Variants in GCSAML observed in about 807,000 individuals in gnomAD.
The protein encoded by GCSAML is germinal center-associated signaling and motility-like protein.
A neutral mutation model predicts 13.0 loss-of-function variants in GCSAML; 9 were observed. The ratio of observed to expected loss-of-function variants is 0.69; its 90% CI spans 0.42 to 1.21. GCSAML has a LOEUF of 1.21. Among genes scored for constraint, GCSAML ranks in the 50% most tolerant of loss-of-function variants. The pLI, the probability that GCSAML is intolerant of heterozygous loss-of-function variation, is 0.00. For missense variants in GCSAML, 143 were observed against 153.4 expected (o/e 0.93, Z 0.36); for synonymous variants, 37 against 52.9 (o/e 0.70, Z 1.31).
In GCSAML at chr1:247,576,662, C is replaced by T. The variant is rs867720527; in HGVS notation, c.*2280C>T. 3.9e-5 allele frequency: 6 copies of T among 152,128 alleles called. No homozygotes were observed. Among genetic ancestry groups the T allele is most frequent in the Non-Finnish European group, 8.8e-5 (6 of 68,026 alleles). 9.4% of individuals were successfully genotyped at this position (152,128 alleles called of 1,614,324 possible). On this transcript the variant is annotated 3_prime_UTR_variant, in exon 5 of 5. Coordinates refer to ENST00000366488, the MANE Select transcript of GCSAML (RefSeq NM_145278.5). ...TAATCAATAGGTGGACTCCAGATAA[C>T]TCATTTGCTGTATACACATTTTGCC... is the stretch of plus-strand genomic sequence containing the variant.
intron 2 of GCSAML, among the ~76,000 whole-genome samples, chr1:247,558,711 T>C (rs940670026): frequency 2.0e-5 from 3 of 152,218 alleles, no homozygotes; most frequent in East Asian, 1.9e-4. Flanking sequence ...ACTTTTCTTG[T>C]TTAGGAATGG....
At chr1:247,562,334 C>A (rs557433825) in intron 2 of GCSAML, among the ~76,000 whole-genome samples, 3 of 152,124 alleles carry the variant, frequency 2.0e-5, no homozygotes, top group African/African-American at 7.2e-5. Context: ...TCAGCGCGCC[C>A]GTGCCTGAGG....
At chr1:247,566,618 C>A (rs530361220) in intron 4 of GCSAML, among the ~76,000 whole-genome samples, 1 of 151,518 alleles carries the variant, frequency 6.6e-6, no homozygotes, top group South Asian at 2.1e-4. Flanking sequence ...AACTGACCAC[C>A]ATAAAACATT....
At chr1:247,519,823 T>G (rs2892202) in intron 1 of GCSAML, among the ~76,000 whole-genome samples, 85,399 of 152,002 alleles carry the variant, frequency 0.56, 25,081 homozygotes, top group East Asian at 0.76. Flanking sequence ...GAATATCACT[T>G]TAAGGAAACA....
intron 2 of GCSAML, among the ~76,000 whole-genome samples, chr1:247,541,135 G>T (rs1304562850): frequency 6.6e-6 from 1 of 151,950 alleles, no homozygotes; most frequent in East Asian, 1.9e-4. Context: ...AACCTATGCT[G>T]GTTTAAATTA....
chr1:247,507,118 A>G (rs577706161), upstream of GCSAML: 3 of 152,352 alleles, frequency 2.0e-5, no homozygotes, highest in African/African-American at 7.2e-5. Context: ...TGTTTCTACA[A>G]GAGACAATGA....
At chr1:247,519,557 T>C (rs2103309086) in intron 1 of GCSAML, 1 of 152,364 alleles carries the variant, frequency 6.6e-6, no homozygotes, top group Middle Eastern at 3.4e-3. Context: ...AAGAGCAGTG[T>C]TTCCTTTACA....
intron 2 of GCSAML, among the ~76,000 whole-genome samples, chr1:247,536,663 T>C (rs1439555085): frequency 6.6e-6 from 1 of 152,240 alleles, no homozygotes; most frequent in Non-Finnish European, 1.5e-5. Context: ...TTGGGATTTC[T>C]TTCCCTATTG....
At chr1:247,542,173 G>T (rs1667437899) in intron 2 of GCSAML, among the ~76,000 whole-genome samples, 1 of 152,202 alleles carries the variant, frequency 6.6e-6, no homozygotes, top group East Asian at 1.9e-4. Context: ...CTACTGGGGA[G>T]GCTGAGGCAG....
chr1:247,568,020 G>A (rs1487655721), intron 4 of GCSAML, among the ~76,000 whole-genome samples: 3 of 151,770 alleles, frequency 2.0e-5, no homozygotes, highest in Non-Finnish European at 4.4e-5. Context: ...CTTTTTGATG[G>A]GGTTGTTTTT....
chr1:247,551,500 A>G (rs1028731141), intron 1 of GCSAML, among the ~76,000 whole-genome samples: 3 of 152,226 alleles, frequency 2.0e-5, no homozygotes, highest in African/African-American at 7.2e-5. Flanking sequence ...GCAATGTGGC[A>G]TGTATTTTAG....
intron 1 of GCSAML, among the ~76,000 whole-genome samples, chr1:247,550,912 G>T (rs144597972): frequency 0.018 from 2,730 of 152,230 alleles, 30 homozygotes; most frequent in Non-Finnish European, 0.028. Flanking sequence ...TTTAAAAATG[G>T]ATAGGCCCCT....
intron 2 of GCSAML, among the ~76,000 whole-genome samples, chr1:247,541,831 G>A (rs1473750262): frequency 6.6e-6 from 1 of 151,844 alleles, no homozygotes; most frequent in Non-Finnish European, 1.5e-5. Flanking sequence ...CCAACATGGT[G>A]AAAACCTGTC....
intron 1 of GCSAML, among the ~76,000 whole-genome samples, chr1:247,551,044 T>C (rs1191584325): frequency 2.0e-5 from 3 of 152,254 alleles, no homozygotes; most frequent in Non-Finnish European, 2.9e-5. Flanking sequence ...TATAAAATTA[T>C]GAATCTTACA....
chr1:247,548,955 T>C, upstream of GCSAML: 1 of 938,670 alleles, frequency 1.1e-6, no homozygotes, highest in South Asian at 1.6e-5. The surrounding 1 kb of genome is among the most constrained non-coding windows in gnomAD (Gnocchi z 5.3). Context: ...TATGAGTGTG[T>C]GTGTGTGCGT....
intron 3 of GCSAML, among the ~76,000 whole-genome samples, chr1:247,564,239 A>T (rs1188940727): frequency 6.6e-6 from 1 of 152,110 alleles, no homozygotes; most frequent in Admixed American, 6.6e-5. Flanking sequence ...GCCCCTAAAA[A>T]GTGTATTATT....
upstream of GCSAML, among the ~76,000 whole-genome samples, chr1:247,545,957 A>G (rs1667554012): frequency 6.6e-6 from 1 of 152,040 alleles, no homozygotes; most frequent in African/African-American, 2.4e-5. Flanking sequence ...CTACAAAAAG[A>G]AAAAAGAAAA....
At chr1:247,520,039 G>T (rs1254539538) in intron 1 of GCSAML, among the ~76,000 whole-genome samples, 1 of 152,146 alleles carries the variant, frequency 6.6e-6, no homozygotes, top group Non-Finnish European at 1.5e-5. Context: ...AATATTTTAA[G>T]ATTTAGTGGC....
intron 1 of GCSAML, among the ~76,000 whole-genome samples, chr1:247,515,115 T>C (rs1666167630): frequency 6.6e-6 from 1 of 152,202 alleles, no homozygotes; most frequent in African/African-American, 2.4e-5. Flanking sequence ...TTCCATTTGT[T>C]TGTGTCAATG....
Sources: gnomAD v4.1 joint callset for allele counts (sites outside exome capture counted in the v4.1 genomes callset) on GRCh38, gnomAD v4.1.1 for gene constraint, Gnocchi (gnomAD v3.1) non-coding constraint, MANE v1.5 for transcripts, NCBI Gene and HGNC (gene_info 2026-07-23, HGNC 2026-07-21) for gene names.